PTPRR: variants seen among roughly 807,000 people sequenced by gnomAD.
PTPRR encodes receptor-type tyrosine-protein phosphatase R.
PTPRR carries 38 observed loss-of-function variants against 77.2 expected under a neutral mutation model. The ratio of observed to expected loss-of-function variants is 0.49; its 90% CI spans 0.38 to 0.65. The LOEUF (loss-of-function observed/expected upper bound fraction) is 0.65, where lower values mean the gene tolerates loss of function less well. Ranked by LOEUF, PTPRR falls within the 30% of genes least tolerant of loss-of-function variation. The pLI is 0.00. For synonymous variants in PTPRR, 299 were observed against 283.1 expected, an observed-to-expected ratio of 1.06 and a Z score of -0.57; for missense variants, 744 against 799.2, an observed-to-expected ratio of 0.93 and a Z score of 0.83.
chr12:70,691,264 T>C (rs984792346), intron 8 of PTPRR, among the ~76,000 whole-genome samples: 2 of 152,314 alleles, frequency 1.3e-5, no homozygotes, highest in Middle Eastern at 3.4e-3. Context: ...GTGGTATTTT[T>C]GTTCATGTCC....
chr12:70,681,278 A>C (rs1887648016), intron 10 of PTPRR, among the ~76,000 whole-genome samples: 1 of 152,172 alleles, frequency 6.6e-6, no homozygotes, highest in African/African-American at 2.4e-5. Flanking sequence ...TCTGGTTTCA[A>C]AATGGCATCA....
At chr12:70,897,589 C>T (rs1478853272) in intron 1 of PTPRR, among the ~76,000 whole-genome samples, 1 of 151,996 alleles carries the variant, frequency 6.6e-6, no homozygotes. Context: ...TTGTGGAAGT[C>T]AGTGTGGCGA....
intron 2 of PTPRR, among the ~76,000 whole-genome samples, chr12:70,846,161 G>A (rs1338283149): frequency 6.6e-6 from 1 of 152,180 alleles, no homozygotes; most frequent in East Asian, 1.9e-4. Context: ...TTGGCTTGAA[G>A]GATAGTGTTA....
At chr12:70,807,938 G>C (rs7133080) in intron 2 of PTPRR, among the ~76,000 whole-genome samples, 122,682 of 152,106 alleles carry the variant, frequency 0.81, 51,339 homozygotes, top group South Asian at 0.94. Context: ...AAGGAGATAA[G>C]CTTAAAGTCT....
In PTPRR at chr12:70,761,467, A is replaced by T; in HGVS notation, c.627+4T>A. On this transcript the variant is annotated splice_donor_region_variant and intron_variant, in intron 4 of 13. Coordinates refer to ENST00000283228, the MANE Select transcript of PTPRR (RefSeq NM_002849.4). ...TAAATGAATTGTTTCGTGCAACAAC[A>T]TACCTCAGGAGAGACTTCTGTAATT... 11 of 1,583,566 alleles carry T rather than the reference A, an allele frequency of 6.9e-6. No individual in the cohort carries two copies. Among genetic ancestry groups the T allele is most frequent in the Non-Finnish European group, 9.4e-6 (11 of 1,165,556 alleles).
chr12:70,906,241 G>A (rs1592827251), intron 1 of PTPRR, among the ~76,000 whole-genome samples: 1 of 151,976 alleles, frequency 6.6e-6, no homozygotes, highest in Middle Eastern at 3.4e-3. Flanking sequence ...AGAAAATGTA[G>A]GTGGTTTTTG....
chr12:70,764,836 A>T, intron 2 of PTPRR, 58 bp from the exon 3 acceptor site: 7 of 1,225,380 alleles, frequency 5.7e-6, no homozygotes, highest in Non-Finnish European at 8.4e-6. Flanking sequence ...ATAGATGTAT[A>T]GAATACATCC....
At chr12:70,834,494 G>A in intron 2 of PTPRR, among the ~76,000 whole-genome samples, 1 of 152,178 alleles carries the variant, frequency 6.6e-6, no homozygotes, top group Non-Finnish European at 1.5e-5. Flanking sequence ...TGAGTTTGGT[G>A]TTGGCATCCA....
chr12:70,915,226 C>A (rs1234659650), intron 1 of PTPRR, among the ~76,000 whole-genome samples: 1 of 152,122 alleles, frequency 6.6e-6, no homozygotes, highest in Non-Finnish European at 1.5e-5. Context: ...ATAACAAGAA[C>A]ATACATTACA....
At position 70,765,750 on chromosome 12, in the gene PTPRR, G is replaced by T. The variant is rs558322540; in HGVS notation, c.358-972C>A. 2.1e-3 allele frequency among the ~76,000 whole-genome samples: 324 copies of T among 152,276 alleles called. 2 individuals carry two copies. The highest frequency in any genetic ancestry group is 7.5e-3 in the African/African-American group (312 of 41,556). On this transcript the variant is annotated intron_variant, in intron 2 of 13. Transcript: ENST00000283228. ...CCCCTGACCCCTGAGCAGGCTAACTGGGAGGCACCCCCCCAGAAGGGGCAG... is the reference window on the plus strand; with the variant it reads ...CCCCTGACCCCTGAGCAGGCTAACTTGGAGGCACCCCCCCAGAAGGGGCAG...
At chr12:70,684,038 A>C (rs1887768619) in intron 10 of PTPRR, 89 bp downstream of exon 10, 2 of 1,409,006 alleles carry the variant, frequency 1.4e-6, no homozygotes, top group Non-Finnish European at 1.9e-6. Context: ...TCCATCTTAA[A>C]TCTAAGTCCA....
Position 70,660,944 on chromosome 12 carries a change from A to G in PTPRR, c.1762T>C (p.Cys588Arg). The G allele has an allele frequency of 6.2e-7, 1 of 1,612,720 alleles. No homozygotes were observed. Among genetic ancestry groups the G allele is most frequent in the Non-Finnish European group, 8.5e-7 (1 of 1,179,412 alleles). ...SQGRGPVVVH[C>R]SAGIGRTGCF... ...AAAGGACCATACACGTCTTACCTGC[A>G]GTGGACAACCACAGGCCCTCGGCCC... The change falls in exon 12 of 14, where the codon TGC becomes CGC. Residue 588 changes from cysteine (C) to arginine (R), a missense_variant. Transcript: ENST00000283228.
At chr12:70,846,924 C>T (rs1252595348) in intron 2 of PTPRR, among the ~76,000 whole-genome samples, 7 of 151,990 alleles carry the variant, frequency 4.6e-5, no homozygotes, top group East Asian at 3.9e-4. Context: ...AATATTTATC[C>T]GAACTGAAAT....
chr12:70,671,612 G>C (rs1887226797), intron 10 of PTPRR, among the ~76,000 whole-genome samples: 1 of 152,148 alleles, frequency 6.6e-6, no homozygotes. Context: ...AGATCCATTT[G>C]GCTCTCCTGT....
chr12:70,891,442 A>ACC (rs1434473718), intron 2 of PTPRR, among the ~76,000 whole-genome samples: 109 of 152,272 alleles, frequency 7.2e-4, no homozygotes, highest in African/African-American at 2.5e-3. Context: ...GACAGAGTAC[A>ACC]TGACTTTCAC....
intron 12 of PTPRR, 136 bp downstream of exon 12, chr12:70,660,802 TAC>T: frequency 1.1e-6 from 1 of 891,356 alleles, no homozygotes; most frequent in East Asian, 2.8e-5. Flanking sequence ...ACTCAAATAT[TAC>T]AGACTTAACC....
intron 8 of PTPRR, among the ~76,000 whole-genome samples, chr12:70,692,230 C>T (rs1012848870): frequency 2.0e-5 from 3 of 151,952 alleles, no homozygotes; most frequent in Admixed American, 1.3e-4. Flanking sequence ...TTTATTATAC[C>T]TACTGTATTT....
chr12:70,644,264 C>T lies in PTPRR; in HGVS notation c.1881-4987G>A, dbSNP rs188821645. 4.6e-5 allele frequency among the ~76,000 whole-genome samples: 7 copies of T among 152,198 alleles called. 1 individual carries two copies. The highest frequency in any genetic ancestry group is 1.3e-4 in the Admixed American group (2 of 15,288). On this transcript the variant is annotated intron_variant, in intron 13 of 13. Coordinates refer to ENST00000283228, the MANE Select transcript of PTPRR (RefSeq NM_002849.4). ...CGTCAGATATTTCTTTTCCAGTACA[C>T]GTTTGTTTTCCCAGGAGGTATAATA... is the stretch of plus-strand genomic sequence containing the variant.
chr12:70,859,513 AG>A (rs753623499), intron 2 of PTPRR, among the ~76,000 whole-genome samples: 1 of 151,998 alleles, frequency 6.6e-6, no homozygotes, highest in Non-Finnish European at 1.5e-5. Flanking sequence ...ATTCTCAGGG[AG>A]GGGGGTAATT....
Sources: allele counts gnomAD v4.1 joint callset (sites outside exome capture counted in the v4.1 genomes callset), GRCh38; gene constraint gnomAD v4.1.1; transcripts MANE v1.5; gene names NCBI Gene and HGNC (gene_info 2026-07-23, HGNC 2026-07-21).